GRIA3: variants seen among roughly 807,000 people sequenced by gnomAD.
GRIA3 encodes the protein glutamate ionotropic receptor AMPA type subunit 3, also known as glutamate receptor 3.
GRIA3 carries 3 observed loss-of-function variants against 63.0 expected under a neutral mutation model. The observed-to-expected ratio is 0.05, with a 90% CI of 0.02 to 0.12. GRIA3 has a LOEUF of 0.12. Ranked by LOEUF, GRIA3 falls within the 10% of genes least tolerant of loss-of-function variation. The pLI, the probability that GRIA3 is intolerant of heterozygous loss-of-function variation, is 1.00. For missense variants in GRIA3, 347 were observed against 700.9 expected (o/e 0.50, Z 5.70); for synonymous variants, 274 against 257.9 (o/e 1.06, Z -0.60).
intron 4 of GRIA3, among the ~76,000 whole-genome samples, chrX:123,334,699 T>C (rs749748981): frequency 9.0e-6 from 1 of 111,688 alleles, no homozygotes; most frequent in East Asian, 2.8e-4. Context: ...GTCGTTGGGA[T>C]GACTGAAGAC....
chrX:123,256,751 G>A (rs1471591383), intron 3 of GRIA3, among the ~76,000 whole-genome samples: 2 of 111,922 alleles, frequency 1.8e-5, no homozygotes, highest in African/African-American at 6.5e-5. Context: ...GAAGTCACAT[G>A]ATCTACATTT....
intron 3 of GRIA3, among the ~76,000 whole-genome samples, chrX:123,280,118 T>C (rs367890339): frequency 1.8e-5 from 2 of 111,522 alleles, no homozygotes; most frequent in Admixed American, 1.9e-4. Context: ...CAAATGAAGA[T>C]CAGCAGCTCA....
chrX:123,487,693 G>C (rs753625659), intron 15 of GRIA3, among the ~76,000 whole-genome samples: 32 of 111,642 alleles, frequency 2.9e-4, no homozygotes, highest in Non-Finnish European at 4.7e-4. Context: ...ATGCCCACTG[G>C]GGAGACAGGG....
intron 3 of GRIA3, among the ~76,000 whole-genome samples, chrX:123,303,157 G>A (rs1471591002): frequency 9.0e-6 from 1 of 110,878 alleles, no homozygotes; most frequent in Admixed American, 9.7e-5. Flanking sequence ...CCAAGCTCCT[G>A]ATCAATCACA....
At chrX:123,354,120 G>A (rs2045116883) in intron 4 of GRIA3, among the ~76,000 whole-genome samples, 1 of 111,596 alleles carries the variant, frequency 9.0e-6, no homozygotes, top group East Asian at 2.8e-4. Flanking sequence ...TAAGAATGAT[G>A]ATACTGAGGA....
chrX:123,437,330 G>A (rs886544520), intron 12 of GRIA3, among the ~76,000 whole-genome samples: 41 of 110,731 alleles, frequency 3.7e-4, no homozygotes, highest in African/African-American at 1.3e-3. Flanking sequence ...TTCCAGGTAC[G>A]GATAGGTGCT....
intron 13 of GRIA3, among the ~76,000 whole-genome samples, chrX:123,474,615 G>C (rs376786158): frequency 2.7e-5 from 3 of 110,979 alleles, no homozygotes; most frequent in Non-Finnish European, 5.7e-5. Context: ...CCCGGGAGGC[G>C]GAGGTTGCAG....
intron 2 of GRIA3, among the ~76,000 whole-genome samples, chrX:123,228,064 T>C (rs766597616): frequency 2.0e-4 from 22 of 112,296 alleles, no homozygotes; most frequent in African/African-American, 6.5e-4. Flanking sequence ...AATGCTTAAA[T>C]AACAATAACA....
chrX:123,196,830 A>G (rs1927588565), intron 2 of GRIA3, among the ~76,000 whole-genome samples: 1 of 112,032 alleles, frequency 8.9e-6, no homozygotes, highest in African/African-American at 3.2e-5. Flanking sequence ...TGATTGTTAC[A>G]ATCACTTCTT....
intron 12 of GRIA3, among the ~76,000 whole-genome samples, chrX:123,449,121 C>T (rs937340671): frequency 3.6e-5 from 4 of 111,935 alleles, no homozygotes; most frequent in Non-Finnish European, 7.5e-5. Context: ...CTGCACATAA[C>T]TACAAATTTC....
chrX:123,219,564 T>C (rs1928241655), intron 2 of GRIA3, among the ~76,000 whole-genome samples: 2 of 112,105 alleles, frequency 1.8e-5, no homozygotes, highest in African/African-American at 3.2e-5. Context: ...TTTGGCCAAA[T>C]TGACCAGTAA....
chrX:123,402,395 G>A (rs1181416273), intron 7 of GRIA3, among the ~76,000 whole-genome samples: 1 of 104,313 alleles, frequency 9.6e-6, no homozygotes, highest in Admixed American at 1.0e-4. Flanking sequence ...ATGTGTGTGT[G>A]TATATATATA....
chrX:123,367,441 T>G (rs2045217886), intron 5 of GRIA3, among the ~76,000 whole-genome samples: 2 of 108,191 alleles, frequency 1.8e-5, no homozygotes, highest in Middle Eastern at 4.7e-3. Flanking sequence ...TTGTTTTTTG[T>G]TTTTTGTTTT....
chrX:123,255,652 C>T (rs1243826125), intron 3 of GRIA3, among the ~76,000 whole-genome samples: 1 of 106,409 alleles, frequency 9.4e-6, no homozygotes, highest in African/African-American at 3.4e-5. Flanking sequence ...GAGGAAAAGA[C>T]CATCTATCTA....
At chrX:123,418,536 A>G (rs2045548049) in intron 11 of GRIA3, among the ~76,000 whole-genome samples, 1 of 112,382 alleles carries the variant, frequency 8.9e-6, no homozygotes, top group African/African-American at 3.2e-5. Flanking sequence ...AGAATATATA[A>G]CACCTCTTAC....
At chrX:123,447,559 A>T (rs925790551) in intron 12 of GRIA3, among the ~76,000 whole-genome samples, 2 of 112,185 alleles carry the variant, frequency 1.8e-5, no homozygotes, top group African/African-American at 6.5e-5. Context: ...TGAATATAAA[A>T]CAACCTAGTT....
At chrX:123,220,816 C>A (rs1213723144) in intron 2 of GRIA3, among the ~76,000 whole-genome samples, 2 of 111,675 alleles carry the variant, frequency 1.8e-5, no homozygotes, top group African/African-American at 6.5e-5. Flanking sequence ...ATACATAAGA[C>A]TATTCGAACA....
intron 3 of GRIA3, among the ~76,000 whole-genome samples, chrX:123,325,810 T>C (rs2044898617): frequency 9.0e-6 from 1 of 111,619 alleles, no homozygotes; most frequent in African/African-American, 3.3e-5. Flanking sequence ...AGCCACTTGA[T>C]GCGGGGTGCC....
chrX:123,194,727 C>T (rs373079296), intron 2 of GRIA3, among the ~76,000 whole-genome samples: 2 of 112,315 alleles, frequency 1.8e-5, no homozygotes, highest in African/African-American at 3.2e-5. Context: ...CTAACGCATA[C>T]TCAGTTTAGG....
Sources: gnomAD v4.1 joint callset for allele counts (sites outside exome capture counted in the v4.1 genomes callset) on GRCh38, gnomAD v4.1.1 for gene constraint, MANE v1.5 for transcripts, NCBI Gene and HGNC (gene_info 2026-07-23, HGNC 2026-07-21) for gene names.